Variants in PRIM2 observed in about 807,000 individuals in gnomAD.
PRIM2 encodes the protein DNA primase large subunit.
PRIM2 carries 39 observed loss-of-function variants against 67.3 expected under a neutral mutation model. That is an observed-to-expected ratio of 0.58 (90% CI 0.45 to 0.76). The LOEUF (loss-of-function observed/expected upper bound fraction) is 0.76, where lower values mean the gene tolerates loss of function less well. Among genes scored for constraint, PRIM2 ranks in the 30% least tolerant of loss-of-function variants. PRIM2 has a pLI of 0.00. For missense variants in PRIM2, 398 were observed against 598.7 expected (o/e 0.66, Z 3.50); for synonymous variants, 143 against 198.7 (o/e 0.72, Z 2.36).
the PRIM2 span, among the ~76,000 whole-genome samples, chr6:57,304,992 C>T: frequency 6.6e-6 from 1 of 152,146 alleles, no homozygotes; most frequent in African/African-American, 2.4e-5. Context: ...CCTCTCTGTA[C>T]TCAAGATAGC....
At chr6:57,520,061 A>C (rs1774579673) in intron 8 of PRIM2, among the ~76,000 whole-genome samples, 1 of 152,170 alleles carries the variant, frequency 6.6e-6, no homozygotes, top group Admixed American at 6.5e-5. Flanking sequence ...ATTATGAGGC[A>C]TTGTCAATGG....
At chr6:57,339,433 G>T (rs575713345) in intron 5 of PRIM2, among the ~76,000 whole-genome samples, 2,189 of 151,542 alleles carry the variant, frequency 0.014, 57 homozygotes, top group African/African-American at 0.05. Context: ...GCTGGAGGCA[G>T]CACACTACCT....
intron 5 of PRIM2, among the ~76,000 whole-genome samples, chr6:57,342,197 A>G (rs1267081840): frequency 1.3e-5 from 2 of 152,156 alleles, no homozygotes; most frequent in Admixed American, 1.3e-4. Flanking sequence ...AATCCTTATC[A>G]TGTAGTATAG....
intron 10 of PRIM2, among the ~76,000 whole-genome samples, chr6:57,595,964 G>A (rs1776358268): frequency 6.6e-6 from 1 of 151,808 alleles, no homozygotes. Flanking sequence ...GGTCTTTCTG[G>A]TGACCAGCCC....
chr6:57,614,086 C>T (rs1193128450), intron 12 of PRIM2, among the ~76,000 whole-genome samples: 3 of 152,168 alleles, frequency 2.0e-5, no homozygotes, highest in African/African-American at 4.8e-5. Flanking sequence ...TTAGGAACAG[C>T]AGGAGGTGAG....
chr6:57,415,826 T>G (rs1771242998), intron 7 of PRIM2, among the ~76,000 whole-genome samples: 1 of 152,196 alleles, frequency 6.6e-6, no homozygotes, highest in African/African-American at 2.4e-5. Flanking sequence ...CAACTCCACA[T>G]CCTTTAAAGT....
the PRIM2 span, among the ~76,000 whole-genome samples, chr6:57,248,084 A>G: frequency 6.6e-6 from 1 of 152,222 alleles, no homozygotes; most frequent in East Asian, 1.9e-4. Context: ...CTTGGATTAC[A>G]TGTTACATAG....
the PRIM2 span, among the ~76,000 whole-genome samples, chr6:57,284,452 A>G: frequency 2.0e-5 from 3 of 152,224 alleles, no homozygotes; most frequent in African/African-American, 7.2e-5. Context: ...TTATTACTCA[A>G]GTAATACATA....
At chr6:57,282,649 T>C in the PRIM2 span, among the ~76,000 whole-genome samples, 3 of 152,188 alleles carry the variant, frequency 2.0e-5, no homozygotes, top group Non-Finnish European at 4.4e-5. Context: ...TATGGCTGAT[T>C]GTCTTTATGC....
In PRIM2 at chr6:57,557,914, T is replaced by C. The variant is rs1775548437; in HGVS notation, c.1020+20289T>C. Among the ~76,000 whole-genome samples the C allele has an allele frequency of 2.0e-5, 3 of 152,194 alleles. No individual in the cohort carries two copies. The South Asian group carries it at 6.2e-4, about 32-fold the overall frequency. ...TTTGGAGACAGATACCACATTTTGT[T>C]AGGTTTAAATTCAAGTAAGTATTGG... is the stretch of plus-strand genomic sequence containing the variant. On this transcript the variant is annotated intron_variant, in intron 10 of 13. Transcript: ENST00000615550.
intron 10 of PRIM2, among the ~76,000 whole-genome samples, chr6:57,569,268 C>T (rs1188990294): frequency 2.6e-5 from 4 of 152,004 alleles, no homozygotes; most frequent in Non-Finnish European, 5.9e-5. Context: ...GCACTCTGTA[C>T]GTTGTAGCTG....
chr6:57,528,079 T>A (rs1774799391), intron 8 of PRIM2, among the ~76,000 whole-genome samples: 1 of 151,564 alleles, frequency 6.6e-6, no homozygotes. Flanking sequence ...TCCTCCCACC[T>A]CAGCCTCCTG....
intron 10 of PRIM2, among the ~76,000 whole-genome samples, chr6:57,592,449 C>T (rs1776296747): frequency 1.3e-5 from 2 of 152,216 alleles, no homozygotes; most frequent in Non-Finnish European, 2.9e-5. Flanking sequence ...TAACCATTCT[C>T]ACTTTATTGT....
the PRIM2 span, among the ~76,000 whole-genome samples, chr6:57,243,233 G>A: frequency 6.6e-6 from 1 of 152,204 alleles, no homozygotes; most frequent in Admixed American, 6.5e-5. Context: ...CCTGGTATCA[G>A]GAAAAGGGAG....
chr6:57,390,026 A>G (rs577730333), intron 7 of PRIM2: 1 of 154,860 alleles, frequency 6.5e-6, no homozygotes, highest in East Asian at 1.9e-4. Context: ...ATATGCAAGC[A>G]TAACATGCTT....
chr6:57,617,845 G>A (rs1776782785), intron 12 of PRIM2, among the ~76,000 whole-genome samples: 1 of 152,106 alleles, frequency 6.6e-6, no homozygotes, highest in Non-Finnish European at 1.5e-5. Flanking sequence ...GACATCTATG[G>A]CTTTGTATAA....
At chr6:57,546,022 G>A (rs1412314522) in intron 10 of PRIM2, among the ~76,000 whole-genome samples, 2 of 152,174 alleles carry the variant, frequency 1.3e-5, no homozygotes, top group African/African-American at 2.4e-5. Flanking sequence ...TGCCAACCAG[G>A]ATCCTGTCAG....
the PRIM2 span, among the ~76,000 whole-genome samples, chr6:57,299,414 C>T: frequency 6.6e-6 from 1 of 151,892 alleles, no homozygotes; most frequent in African/African-American, 2.4e-5. Flanking sequence ...ATTTCTATAC[C>T]CATGGTTCTT....
intron 7 of PRIM2, among the ~76,000 whole-genome samples, chr6:57,455,260 C>G (rs1174746073): frequency 6.6e-6 from 1 of 152,190 alleles, no homozygotes; most frequent in Non-Finnish European, 1.5e-5. Context: ...AATGTGTATT[C>G]TGTTGATTTG....
Sources: gnomAD v4.1 joint callset for allele counts (sites outside exome capture counted in the v4.1 genomes callset) on GRCh38, gnomAD v4.1.1 for gene constraint, MANE v1.5 for transcripts, NCBI Gene and HGNC (gene_info 2026-07-23, HGNC 2026-07-21) for gene names.